The following NNT variants were observed in gnomAD, a reference collection of about 807,000 sequenced individuals.
NNT encodes the protein nicotinamide nucleotide transhydrogenase.
NNT carries 50 observed loss-of-function variants against 104.8 expected under a neutral mutation model. That is an observed-to-expected ratio of 0.48 (90% confidence interval 0.38 to 0.60). NNT has a LOEUF of 0.60. Ranked by LOEUF, NNT falls within the 20% of genes least tolerant of loss-of-function variation. The pLI is 0.00. For missense variants in NNT, 1,131 were observed against 1,330.7 expected, an observed-to-expected ratio of 0.85 and a Z score of 2.33; for synonymous variants, 461 against 490.4, an observed-to-expected ratio of 0.94 and a Z score of 0.79.
intron 5 of NNT, among the ~76,000 whole-genome samples, chr5:43,619,411 T>A (rs891787303): frequency 2.0e-5 from 3 of 152,202 alleles, no homozygotes; most frequent in African/African-American, 7.2e-5. Context: ...TTATTAATTT[T>A]TAAAAAAAAC....
intron 16 of NNT, 150 bp from the exon 17 acceptor site, chr5:43,659,021 G>A: frequency 6.2e-6 from 4 of 647,244 alleles, no homozygotes; most frequent in Non-Finnish European, 9.8e-6. Context: ...GGAAGTGTTG[G>A]TCAGATGGGA....
In NNT at chr5:43,655,835, A is replaced by G. The variant is rs369112031; in HGVS notation, c.2060-5A>G. 6.2e-7 allele frequency: 1 copy of G among 1,609,308 alleles called. No individual in the cohort carries two copies. The highest frequency in any genetic ancestry group is 1.3e-5 in the African/African-American group (1 of 74,980). On this transcript the variant is annotated splice_region_variant and splice_polypyrimidine_tract_variant and intron_variant, in intron 14 of 21. Coordinates refer to ENST00000344920, the MANE Select transcript of NNT (RefSeq NM_182977.3). ...TTTTAATTTATTTTTGACCTTTCATAACAGGATTGACAATTGCCAAACGCA... is the reference window on the plus strand; with the variant it reads ...TTTTAATTTATTTTTGACCTTTCATGACAGGATTGACAATTGCCAAACGCA...
intron 11 of NNT, 73 bp downstream of exon 11, chr5:43,649,381 C>A: frequency 1.3e-6 from 2 of 1,522,196 alleles, no homozygotes; most frequent in Non-Finnish European, 1.8e-6. Context: ...ACTATCAATG[C>A]CGTTTATAAA....
chr5:43,664,886 G>T (rs1034702848), intron 17 of NNT, among the ~76,000 whole-genome samples: 3 of 152,226 alleles, frequency 2.0e-5, no homozygotes, highest in African/African-American at 7.2e-5. Flanking sequence ...TAATGGTGAT[G>T]TAATTGTGGA....
chr5:43,609,978 T>C (rs566947824), intron 2 of NNT, among the ~76,000 whole-genome samples: 2 of 152,324 alleles, frequency 1.3e-5, no homozygotes, highest in South Asian at 4.1e-4. Flanking sequence ...CAGTCTGTTC[T>C]GCACAGGACA....
intron 19 of NNT, among the ~76,000 whole-genome samples, chr5:43,693,985 A>G (rs989173231): frequency 6.6e-6 from 1 of 152,172 alleles, no homozygotes; most frequent in African/African-American, 2.4e-5. Flanking sequence ...AAAAATACCT[A>G]TTTAGTCTTT....
intron 7 of NNT, among the ~76,000 whole-genome samples, chr5:43,629,212 ACTTTTAAC>A (rs1750546253): frequency 6.6e-6 from 1 of 151,594 alleles, no homozygotes; most frequent in Non-Finnish European, 1.5e-5. Flanking sequence ...CTTAGCTTCC[ACTTTTAAC>A]AATGTTTAGT....
At chr5:43,633,695 C>G (rs140705258) in intron 7 of NNT, among the ~76,000 whole-genome samples, 341 of 152,280 alleles carry the variant, frequency 2.2e-3, no homozygotes, top group African/African-American at 7.8e-3. Flanking sequence ...GGTGGCTTAG[C>G]AAATGTTGCT....
At chr5:43,614,659 C>A (rs1018306098) in intron 3 of NNT, among the ~76,000 whole-genome samples, 8 of 152,044 alleles carry the variant, frequency 5.3e-5, no homozygotes, top group Admixed American at 2.6e-4. Context: ...ACTTATTGAC[C>A]CAATGTTTGT....
chr5:43,652,057 ATC>A (rs1366405338), intron 13 of NNT, among the ~76,000 whole-genome samples, 173 bp downstream of exon 13: 1 of 152,230 alleles, frequency 6.6e-6, no homozygotes, highest in African/African-American at 2.4e-5. Flanking sequence ...TCCCCTAAGG[ATC>A]AGGACCCTGG....
chr5:43,607,243 G>A (rs1415490335), intron 1 of NNT, among the ~76,000 whole-genome samples: 2 of 152,170 alleles, frequency 1.3e-5, no homozygotes, highest in African/African-American at 4.8e-5. Context: ...TGAAGCAACT[G>A]AAGAACCACA....
intron 3 of NNT, chr5:43,613,553 C>T (rs561729252): frequency 1.3e-5 from 2 of 157,068 alleles, no homozygotes; most frequent in South Asian, 3.9e-4. Context: ...CTTACACTGA[C>T]ATACGTGCTA....
chr5:43,603,931 A>G (rs1165055986), intron 1 of NNT, among the ~76,000 whole-genome samples: 2 of 152,174 alleles, frequency 1.3e-5, no homozygotes, highest in Non-Finnish European at 2.9e-5. Context: ...CGACCTGGGC[A>G]GAGCTAGTTC....
chr5:43,697,193 G>T (rs768109180), intron 19 of NNT, among the ~76,000 whole-genome samples: 4 of 152,188 alleles, frequency 2.6e-5, no homozygotes, highest in Non-Finnish European at 4.4e-5. Context: ...TTGCTGCTCA[G>T]AAATTTCTTC....
Position 43,644,732 on chromosome 5 carries a change from A to T in NNT, c.1220A>T (p.Tyr407Phe). ...ATCAGCCCGGACAAAGATAATTTTTATTTTGATGTGAAAGATGACTTTGAC... is the reference window on the plus strand; with the variant it reads ...ATCAGCCCGGACAAAGATAATTTTTTTTTTGATGTGAAAGATGACTTTGAC... ...KAISPDKDNF[Y>F]FDVKDDFDFG... The change falls in exon 9 of 22, where the codon TAT (tyrosine) becomes TTT (phenylalanine). Residue 407 changes from tyrosine to phenylalanine, a missense_variant. Tyr to Phe is a conservative substitution (Grantham distance 22, BLOSUM62 3). Transcript: ENST00000344920. 2 of 1,614,198 alleles carry T rather than the reference A, an allele frequency of 1.2e-6. No individual in the cohort carries two copies. Among genetic ancestry groups the T allele is most frequent in the South Asian group, 2.2e-5 (2 of 91,090 alleles).
At chr5:43,694,921 A>G (rs72760483) in intron 19 of NNT, among the ~76,000 whole-genome samples, 6 of 152,220 alleles carry the variant, frequency 3.9e-5, no homozygotes, top group Non-Finnish European at 7.4e-5. Context: ...TGAGCTGTCA[A>G]TTCATCAGGT....
intron 4 of NNT, among the ~76,000 whole-genome samples, chr5:43,616,842 G>GGA (rs1749816940): frequency 6.6e-6 from 1 of 152,108 alleles, no homozygotes; most frequent in African/African-American, 2.4e-5. Flanking sequence ...TAAGGCTTAT[G>GGA]AATCAACTTC....
rs147013813 is a variant in NNT at position 43,680,388 on chromosome 5, A to G, written c.2876+2582A>G. ...CAGTTTGCAGTAATTTAGTCCTTTC[A>G]TCACTCTGTGGAGCTCCCACGGTGT... is the stretch of plus-strand genomic sequence containing the variant. On this transcript the variant is annotated intron_variant, in intron 19 of 21. Transcript: ENST00000344920. Among the ~76,000 whole-genome samples the G allele has an allele frequency of 4.2e-3, 639 of 152,196 alleles. 8 individuals are homozygous for G. The highest frequency in any genetic ancestry group is 9.0e-3 in the African/African-American group (372 of 41,532).
At chr5:43,607,233 T>C (rs940748474) in intron 1 of NNT, among the ~76,000 whole-genome samples, 2 of 152,196 alleles carry the variant, frequency 1.3e-5, no homozygotes, top group Admixed American at 6.5e-5. Context: ...CCAGATGGCC[T>C]GAAGCAACTG....
Sources: allele counts gnomAD v4.1 joint callset (sites outside exome capture counted in the v4.1 genomes callset), GRCh38; gene constraint gnomAD v4.1.1; transcripts MANE v1.5; gene names NCBI Gene and HGNC (gene_info 2026-07-23, HGNC 2026-07-21).